Variants in GPBP1 observed in about 807,000 individuals in gnomAD.
GPBP1 encodes the protein GC-rich promoter binding protein 1.
GPBP1 carries 13 observed loss-of-function variants against 56.5 expected under a neutral mutation model. That is an observed-to-expected ratio of 0.23 (90% CI 0.15 to 0.37). The LOEUF (loss-of-function observed/expected upper bound fraction) is 0.37, where lower values mean the gene tolerates loss of function less well. Among genes scored for constraint, GPBP1 ranks in the 10% least tolerant of loss-of-function variants. The pLI is 1.00. For synonymous variants in GPBP1, 204 were observed against 188.9 expected (o/e 1.08, Z -0.66); for missense variants, 477 against 572.3 (o/e 0.83, Z 1.70).
intron 2 of GPBP1, among the ~76,000 whole-genome samples, chr5:57,187,756 C>G (rs1754353455): frequency 1.3e-5 from 2 of 151,868 alleles, no homozygotes; most frequent in African/African-American, 4.8e-5. Flanking sequence ...ATAATACAGA[C>G]AGTGGTGTTG....
intron 2 of GPBP1, among the ~76,000 whole-genome samples, chr5:57,191,181 G>C (rs1264207888): frequency 4.0e-5 from 6 of 151,874 alleles, no homozygotes; most frequent in Admixed American, 3.9e-4. Flanking sequence ...TGCCTCCTTG[G>C]TTCAAGTGAT....
In GPBP1 at chr5:57,249,593, C is replaced by T. The variant is rs760581393; in HGVS notation, c.972+17C>T. ...TCAGAGAAGGTAATTGAATTTATAG[C>T]AATACTTGATTTGACATTGATATGT... On this transcript the variant is annotated intron_variant, in intron 9 of 11. Coordinates refer to ENST00000506184, the MANE Select transcript of GPBP1 (RefSeq NM_022913.4). 1.9e-6 allele frequency: 3 copies of T among 1,582,490 alleles called. No individual in the cohort carries two copies. Among genetic ancestry groups the T allele is most frequent in the South Asian group, 1.1e-5 (1 of 87,504 alleles).
At chr5:57,176,995 T>C (rs528708462) in intron 2 of GPBP1, among the ~76,000 whole-genome samples, 1 of 152,228 alleles carries the variant, frequency 6.6e-6, no homozygotes, top group Non-Finnish European at 1.5e-5. Context: ...TTTGTTGAAA[T>C]GGTTTTGTAT....
At chr5:57,234,475 T>G (rs928231380) in intron 5 of GPBP1, among the ~76,000 whole-genome samples, 7 of 152,236 alleles carry the variant, frequency 4.6e-5, no homozygotes, top group African/African-American at 1.7e-4. Flanking sequence ...CAGTGGCTCA[T>G]GCCTGTTTTC....
At chr5:57,236,089 C>A in intron 6 of GPBP1, 57 bp downstream of exon 6, 1 of 1,163,796 alleles carries the variant, frequency 8.6e-7, no homozygotes, top group South Asian at 1.3e-5. Flanking sequence ...TTATAGGTTT[C>A]ACTTTTTGTG....
chr5:57,183,836 A>G lies in GPBP1; in HGVS notation c.-58+7436A>G, dbSNP rs555098746. The stretch of plus-strand genomic sequence containing the variant: ...ACCCAGGCTGGAGGGCAGTGGTGCC[A>G]TCACAGTTTGCTGCAGCCTCGACCT... On this transcript the variant is annotated intron_variant, in intron 2 of 11. Coordinates refer to ENST00000506184, the MANE Select transcript of GPBP1 (RefSeq NM_022913.4). Among the ~76,000 whole-genome samples the G allele has an allele frequency of 2.1e-5, 3 of 143,378 alleles. No individual in the cohort carries two copies. In the South Asian group the frequency reaches 6.5e-4, roughly 31 times the overall value. The allele number at this position is 143,378 out of a possible 152,430, so 94.1% of individuals were successfully genotyped here. A position where few individuals can be genotyped will look rare whatever the true frequency, so the allele number is the denominator to read the frequency against.
chr5:57,262,169 A>G (rs1429903521), intron 11 of GPBP1, among the ~76,000 whole-genome samples: 1 of 152,244 alleles, frequency 6.6e-6, no homozygotes. Context: ...TTTCAGAAAT[A>G]GAGAACTGTA....
At chr5:57,196,757 T>C (rs368327364) in intron 2 of GPBP1, among the ~76,000 whole-genome samples, 4 of 152,220 alleles carry the variant, frequency 2.6e-5, no homozygotes, top group African/African-American at 9.6e-5. Flanking sequence ...CATGCCTGGC[T>C]AATTGTTTTG....
In GPBP1 at chr5:57,246,503, C is replaced by T; in HGVS notation, c.663+19C>T. ...TACAAAAGTAAGTTCTAAATTACCACAAATGTAAATTTTGAGTTGATAACC... is the reference window on the plus strand; with the variant it reads ...TACAAAAGTAAGTTCTAAATTACCATAAATGTAAATTTTGAGTTGATAACC... On this transcript the variant is annotated intron_variant, in intron 7 of 11. Coordinates refer to ENST00000506184, the MANE Select transcript of GPBP1 (RefSeq NM_022913.4). 4 of 1,572,772 alleles carry T rather than the reference C, an allele frequency of 2.5e-6. No individual in the cohort carries two copies. Among genetic ancestry groups the T allele is most frequent in the Non-Finnish European group, 3.5e-6 (4 of 1,158,580 alleles).
chr5:57,235,857 C>CTAA (rs1756640357), intron 5 of GPBP1, 109 bp from the exon 6 acceptor site: 1 of 790,560 alleles, frequency 1.3e-6, no homozygotes. Context: ...CAACCTGTAG[C>CTAA]TAAGAGTTGG....
chr5:57,225,387 G>A lies in GPBP1; in HGVS notation c.64-5459G>A, dbSNP rs138462385. ...CGGGCGCCTGTAGTCCCAGCTACTC[G>A]GGAGGCTGAGGCAGGAGAATGGCAT... On this transcript the variant is annotated intron_variant, in intron 3 of 11. Transcript: ENST00000506184. Among the ~76,000 whole-genome samples, 477 of 151,724 alleles carry A rather than the reference G, an allele frequency of 3.1e-3. 4 individuals are homozygous for A. The highest frequency in any genetic ancestry group is 0.011 in the African/African-American group (455 of 41,374).
chr5:57,183,765 A>ATTTTTTTTTTTTTTTTTTTTTTTTT (rs34608817), intron 2 of GPBP1, among the ~76,000 whole-genome samples: 1 of 133,282 alleles, frequency 7.5e-6, no homozygotes, highest in Non-Finnish European at 1.6e-5. Context: ...GGGGATATGA[A>ATTTTTTTTTTTTTTTTTTTTTTTTT]TTTTTTTTTT....
intron 2 of GPBP1, among the ~76,000 whole-genome samples, chr5:57,195,643 G>T (rs1235579782): frequency 6.6e-6 from 1 of 152,156 alleles, no homozygotes; most frequent in South Asian, 2.1e-4. Context: ...GGAGCTAGCT[G>T]TGATGACTTA....
chr5:57,199,844 T>C (rs1456069556), intron 2 of GPBP1, among the ~76,000 whole-genome samples: 2 of 151,980 alleles, frequency 1.3e-5, no homozygotes, highest in Non-Finnish European at 2.9e-5. Context: ...TACTAGAATT[T>C]AGGTATACCT....
At chr5:57,240,852 T>C (rs1217638646) in intron 6 of GPBP1, among the ~76,000 whole-genome samples, 1 of 151,918 alleles carries the variant, frequency 6.6e-6, no homozygotes, top group Non-Finnish European at 1.5e-5. Flanking sequence ...CACATGCCTG[T>C]AATTCCAGCT....
At chr5:57,238,009 T>C (rs565629112) in intron 6 of GPBP1, among the ~76,000 whole-genome samples, 1 of 152,166 alleles carries the variant, frequency 6.6e-6, no homozygotes, top group Non-Finnish European at 1.5e-5. Flanking sequence ...CTAGTTGGCT[T>C]TACTGGAAAC....
chr5:57,206,377 T>A (rs1445203269), intron 2 of GPBP1, among the ~76,000 whole-genome samples: 1 of 152,092 alleles, frequency 6.6e-6, no homozygotes, highest in African/African-American at 2.4e-5. Flanking sequence ...TATATTTAGG[T>A]CTGTGATTTA....
intron 2 of GPBP1, among the ~76,000 whole-genome samples, chr5:57,200,002 C>T (rs1579995919): frequency 1.4e-5 from 2 of 147,514 alleles, no homozygotes; most frequent in Admixed American, 1.4e-4. Context: ...GCCACTGCGC[C>T]TGGCCCTTAC....
intron 7 of GPBP1, 49 bp downstream of exon 7, chr5:57,246,533 T>A (rs143767394): frequency 6.9e-7 from 1 of 1,441,458 alleles, no homozygotes; most frequent in East Asian, 2.3e-5. Flanking sequence ...ATAACCAATT[T>A]ATGTCCTATG....
Sources: allele counts gnomAD v4.1 joint callset (sites outside exome capture counted in the v4.1 genomes callset), GRCh38; gene constraint gnomAD v4.1.1; transcripts MANE v1.5; gene names NCBI Gene and HGNC (gene_info 2026-07-23, HGNC 2026-07-21).